CCDC63: variants seen among roughly 807,000 people sequenced by gnomAD.
CCDC63 encodes the protein coiled-coil domain-containing protein 63.
Under a neutral mutation model 63.6 loss-of-function variants are expected in CCDC63, and 54 were observed. That is an observed-to-expected ratio of 0.85 (90% confidence interval 0.68 to 1.07). The LOEUF is 1.07. Ranked by LOEUF, CCDC63 falls within the 50% of genes least tolerant of loss-of-function variation. CCDC63 has a pLI of 0.00. For synonymous variants in CCDC63, 253 were observed against 266.1 expected, an observed-to-expected ratio of 0.95 and a Z score of 0.48; for missense variants, 637 against 689.6, an observed-to-expected ratio of 0.92 and a Z score of 0.86.
chr12:110,904,824 G>C, intron 11 of CCDC63, 33 bp downstream of exon 11: 8 of 1,531,092 alleles, frequency 5.2e-6, no homozygotes, highest in Non-Finnish European at 7.1e-6. Flanking sequence ...TGCACAGGTT[G>C]CTAGGGAACC....
At chr12:110,897,176 G>A (rs964242352) in intron 9 of CCDC63, among the ~76,000 whole-genome samples, 5 of 151,764 alleles carry the variant, frequency 3.3e-5, no homozygotes, top group South Asian at 4.2e-4. Flanking sequence ...GCTCACATCT[G>A]TTAATCCCAG....
chr12:110,845,062 C>T (rs1258130779), upstream of CCDC63, among the ~76,000 whole-genome samples: 2 of 152,138 alleles, frequency 1.3e-5, no homozygotes, highest in Non-Finnish European at 2.9e-5. Flanking sequence ...GCTGATAAAG[C>T]AGAAGGTCCC....
At chr12:110,865,144 G>A (rs192815267) in intron 4 of CCDC63, among the ~76,000 whole-genome samples, 11 of 152,302 alleles carry the variant, frequency 7.2e-5, no homozygotes, top group Non-Finnish European at 1.0e-4. Flanking sequence ...GGTTTCTCAC[G>A]GTGGCCTTGG....
chr12:110,888,882 C>A (rs2071323034), intron 8 of CCDC63, among the ~76,000 whole-genome samples: 1 of 131,620 alleles, frequency 7.6e-6, no homozygotes, highest in Non-Finnish European at 1.6e-5. Flanking sequence ...CTTTTTCTTT[C>A]TTCTTTTTTT....
chr12:110,857,558 A>G (rs1033816185), intron 3 of CCDC63, among the ~76,000 whole-genome samples: 1 of 152,172 alleles, frequency 6.6e-6, no homozygotes, highest in African/African-American at 2.4e-5. Flanking sequence ...CATTTCTCCA[A>G]GTTTCCAAAG....
chr12:110,905,870 A>G (rs1215025678), intron 11 of CCDC63, among the ~76,000 whole-genome samples: 1 of 104,312 alleles, frequency 9.6e-6, no homozygotes, highest in South Asian at 2.5e-4. Flanking sequence ...ATGTGTATAT[A>G]TGTGTGTGTG....
At chr12:110,896,993 C>T (rs1487124789) in intron 9 of CCDC63, among the ~76,000 whole-genome samples, 1 of 152,192 alleles carries the variant, frequency 6.6e-6, no homozygotes, top group East Asian at 1.9e-4. Context: ...TGCTGCTTGT[C>T]CTGGGACCAC....
chr12:110,893,168 A>G lies in CCDC63; in HGVS notation c.1149+18A>G. The G allele has an allele frequency of 6.2e-7, 1 of 1,604,770 alleles. No individual in the cohort carries two copies. Reference sequence around the variant, plus strand: ...AGCTGGAGGTGAGAACAGGATCGGGAGGGAGGGATGCGGGAGCTTCTGTTG... The same window carrying G: ...AGCTGGAGGTGAGAACAGGATCGGGGGGGAGGGATGCGGGAGCTTCTGTTG... On this transcript the variant is annotated intron_variant, in intron 9 of 11. Coordinates refer to ENST00000308208, the MANE Select transcript of CCDC63 (RefSeq NM_152591.3).
intron 4 of CCDC63, among the ~76,000 whole-genome samples, chr12:110,866,546 T>C (rs1411448417): frequency 1.4e-5 from 2 of 143,534 alleles, no homozygotes; most frequent in East Asian, 2.0e-4. Context: ...CCTTCAAGCA[T>C]CTGTTTAACA....
chr12:110,874,306 C>A (rs958139798), intron 5 of CCDC63, among the ~76,000 whole-genome samples: 11 of 152,264 alleles, frequency 7.2e-5, no homozygotes, highest in African/African-American at 2.4e-4. Context: ...ACAAGCTGCT[C>A]ATGCCTCTAT....
chr12:110,905,367 AACTC>A (rs2071546502), intron 11 of CCDC63, among the ~76,000 whole-genome samples: 1 of 152,080 alleles, frequency 6.6e-6, no homozygotes, highest in African/African-American at 2.4e-5. Flanking sequence ...CCAAGGTGGA[AACTC>A]ACTCATCCTC....
At chr12:110,855,097 G>A (rs961638955) in intron 3 of CCDC63, among the ~76,000 whole-genome samples, 30 of 152,182 alleles carry the variant, frequency 2.0e-4, no homozygotes, top group Non-Finnish European at 3.5e-4. Flanking sequence ...GGCCTGAAAA[G>A]GGATTCTTTA....
chr12:110,871,484 C>CTCCT (rs35694724), intron 4 of CCDC63, among the ~76,000 whole-genome samples: 32,385 of 149,052 alleles, frequency 0.22, 3,797 homozygotes, highest in African/African-American at 0.28. Context: ...AACCATAACA[C>CTCCT]TCCTTCCTTC....
intron 4 of CCDC63, among the ~76,000 whole-genome samples, chr12:110,862,170 G>A (rs7303049): frequency 0.7 from 107,065 of 152,178 alleles, 38,183 homozygotes; most frequent in East Asian, 1. Flanking sequence ...AAATTGAAGA[G>A]GAGCTGGGGC....
At chr12:110,856,839 CCTTT>C (rs1325615099) in intron 3 of CCDC63, among the ~76,000 whole-genome samples, 2 of 140,564 alleles carry the variant, frequency 1.4e-5, no homozygotes, top group Non-Finnish European at 1.5e-5. Context: ...ATTTTCCTTT[CCTTT>C]CTTTTTTTTT....
chr12:110,907,309 C>A lies in CCDC63; in HGVS notation c.1547-22C>A. On this transcript the variant is annotated intron_variant, in intron 11 of 11. Transcript: ENST00000308208. This position sits in a 1 kb window ranked among gnomAD's most constrained non-coding sequence, Gnocchi z 4.4. ...CTGGGGTTGATTTCCCAGCACCTCA[C>A]ACAAATCTGATCTTGGTGCAGTGGA... 1 of 1,609,584 alleles carries A rather than the reference C, an allele frequency of 6.2e-7. No individual in the cohort carries two copies. Among genetic ancestry groups the A allele is most frequent in the Non-Finnish European group, 8.5e-7 (1 of 1,177,934 alleles).
chr12:110,898,617 CA>C (rs34918640), intron 9 of CCDC63, among the ~76,000 whole-genome samples: 20,399 of 80,022 alleles, frequency 0.25, 1,740 homozygotes, highest in African/African-American at 0.42. Flanking sequence ...GACTCTGTCT[CA>C]AAAAAAAAAA....
At chr12:110,872,783 G>C (rs2071083449) in intron 4 of CCDC63, among the ~76,000 whole-genome samples, 2 of 152,046 alleles carry the variant, frequency 1.3e-5, no homozygotes, top group South Asian at 4.2e-4. Context: ...ATGCCACCAA[G>C]CCTGACTATT....
intron 4 of CCDC63, among the ~76,000 whole-genome samples, chr12:110,867,745 C>G (rs1393025953): frequency 2.3e-5 from 3 of 131,444 alleles, no homozygotes; most frequent in African/African-American, 3.0e-5. Context: ...GCTGGCCAGG[C>G]GGGGGGCTGA....
Sources: allele counts gnomAD v4.1 joint callset (sites outside exome capture counted in the v4.1 genomes callset), GRCh38; gene constraint gnomAD v4.1.1; non-coding constraint Gnocchi (gnomAD v3.1); transcripts MANE v1.5; gene names NCBI Gene and HGNC (gene_info 2026-07-23, HGNC 2026-07-21).